The following FBP2 variants were observed in gnomAD, a reference collection of about 807,000 sequenced individuals.
FBP2 encodes fructose-bisphosphatase 2.
In FBP2, 27 loss-of-function variants were observed where a neutral mutation model predicts 31.6. The observed-to-expected ratio is 0.85, with a 90% CI of 0.63 to 1.18. FBP2 has a LOEUF of 1.18. Ranked by LOEUF, FBP2 falls within the 50% of genes most tolerant of loss-of-function variation. The pLI, the probability that FBP2 is intolerant of heterozygous loss-of-function variation, is 0.00. For synonymous variants in FBP2, 168 were observed against 179.8 expected (o/e 0.93, Z 0.53); for missense variants, 421 against 436.1 (o/e 0.97, Z 0.31).
At chr9:94,587,857 T>TC in intron 1 of FBP2, among the ~76,000 whole-genome samples, 1 of 131,948 alleles carries the variant, frequency 7.6e-6, no homozygotes, top group East Asian at 2.0e-4. Context: ...TCTTTTTTCC[T>TC]TTTTTTTTTG....
chr9:94,568,155 T>A (rs1018619394), intron 4 of FBP2: 1 of 151,392 alleles, frequency 6.6e-6, no homozygotes, highest in Non-Finnish European at 1.5e-5. Flanking sequence ...GTGGTACAGT[T>A]ATTTTGTTTA....
intron 3 of FBP2, 26 bp from the exon 4 acceptor site, chr9:94,571,628 T>A: frequency 6.3e-7 from 1 of 1,596,082 alleles, no homozygotes; most frequent in Admixed American, 1.7e-5. Flanking sequence ...ATAAATGCCA[T>A]GTGTTATTGT....
chr9:94,580,484 T>C (rs1827363824), intron 3 of FBP2, among the ~76,000 whole-genome samples: 1 of 152,224 alleles, frequency 6.6e-6, no homozygotes, highest in Admixed American at 6.5e-5. Flanking sequence ...CCCAAAGTGA[T>C]GGGATTACAG....
chr9:94,577,577 G>T (rs1827328898), intron 3 of FBP2: 1 of 152,104 alleles, frequency 6.6e-6, no homozygotes, highest in Non-Finnish European at 1.5e-5. Context: ...ATTATTTATG[G>T]TCTAAATTGA....
At position 94,593,797 on chromosome 9, in the gene FBP2, G is replaced by A. The variant is rs1422471756; in HGVS notation, c.-71C>T. On this transcript the variant is annotated 5_prime_UTR_variant, in exon 1 of 7. Transcript: ENST00000375337. The stretch of plus-strand genomic sequence containing the variant: ...GCTTACTTCTGAGGGCTGCAGCTCC[G>A]CAGTGTGGAAGCCGATAAGAAATCT... 28 of 1,534,458 alleles carry A rather than the reference G, an allele frequency of 1.8e-5. No homozygotes were observed. The highest frequency in any genetic ancestry group is 1.4e-4 in the African/African-American group (10 of 73,054).
intron 6 of FBP2, among the ~76,000 whole-genome samples, chr9:94,560,404 G>A (rs62578747): frequency 6.6e-6 from 1 of 152,034 alleles, no homozygotes; most frequent in Admixed American, 6.5e-5. Context: ...ATGTCATGAC[G>A]CCCCCAGCCT....
chr9:94,567,021 CCTT>C (rs1426384233), intron 5 of FBP2, among the ~76,000 whole-genome samples: 1 of 152,106 alleles, frequency 6.6e-6, no homozygotes, highest in Admixed American at 6.5e-5. Context: ...GTGATCTCTG[CCTT>C]CTTTATAAAG....
At chr9:94,574,876 A>G (rs1827301343) in intron 3 of FBP2, among the ~76,000 whole-genome samples, 1 of 152,212 alleles carries the variant, frequency 6.6e-6, no homozygotes, top group Non-Finnish European at 1.5e-5. Context: ...AGTTTATATC[A>G]GCAATCTTCA....
intron 3 of FBP2, among the ~76,000 whole-genome samples, chr9:94,578,142 GT>G (rs1196345778): frequency 5.3e-5 from 8 of 152,190 alleles, no homozygotes; most frequent in African/African-American, 1.9e-4. Flanking sequence ...AAGTGTCAGG[GT>G]TTGGCGCAAA....
intron 1 of FBP2, among the ~76,000 whole-genome samples, chr9:94,592,157 G>C (rs1240251559): frequency 6.6e-6 from 1 of 152,156 alleles, no homozygotes; most frequent in African/African-American, 2.4e-5. Flanking sequence ...GGCACCGCCT[G>C]CCCTCACATT....
chr9:94,593,517 TG>T lies in FBP2; in HGVS notation c.170+39del, dbSNP rs758815381. On this transcript the variant is annotated intron_variant, in intron 1 of 6. Coordinates refer to ENST00000375337, the MANE Select transcript of FBP2 (RefSeq NM_003837.4). ...CAGCTCCCACACCCCTGCCTGGGCC[TG>T]GGGTGCTCTGTGCCCCATGCCTGCT... 5.1e-6 allele frequency: 8 copies of T among 1,578,362 alleles called. No individual in the cohort carries two copies. The African/African-American group carries it at 8.1e-5, about 16-fold the overall frequency.
At chr9:94,586,377 C>T (rs1005640231) in intron 2 of FBP2, among the ~76,000 whole-genome samples, 1 of 151,704 alleles carries the variant, frequency 6.6e-6, no homozygotes, top group African/African-American at 2.4e-5. Flanking sequence ...AGCAAGACTC[C>T]GTCTCAAAAA....
intron 1 of FBP2, among the ~76,000 whole-genome samples, 174 bp from the exon 2 acceptor site, chr9:94,587,643 G>A (rs1827443507): frequency 6.8e-6 from 1 of 146,128 alleles, no homozygotes; most frequent in African/African-American, 2.5e-5. Flanking sequence ...TCTCAGCCTT[G>A]CCTCCCTTAC....
At chr9:94,581,233 C>T (rs543668010) in intron 3 of FBP2, among the ~76,000 whole-genome samples, 3 of 152,190 alleles carry the variant, frequency 2.0e-5, no homozygotes, top group Non-Finnish European at 4.4e-5. Context: ...AAGAAGTGAG[C>T]GTCTGACATA....
At chr9:94,573,693 A>G (rs1485024883) in intron 3 of FBP2, among the ~76,000 whole-genome samples, 1 of 152,212 alleles carries the variant, frequency 6.6e-6, no homozygotes, top group Non-Finnish European at 1.5e-5. Flanking sequence ...GCCATGGTGT[A>G]TAATTTATTT....
At chr9:94,564,074 T>C (rs1349759938) in intron 5 of FBP2, among the ~76,000 whole-genome samples, 1 of 152,146 alleles carries the variant, frequency 6.6e-6, no homozygotes, top group East Asian at 1.9e-4. Flanking sequence ...CAGTAATCAC[T>C]GAAGCAGAAA....
chr9:94,579,969 T>G (rs1827358909), intron 3 of FBP2, among the ~76,000 whole-genome samples: 1 of 152,248 alleles, frequency 6.6e-6, no homozygotes. Context: ...TTAGAAAGCT[T>G]CTCATGCAGT....
intron 6 of FBP2, among the ~76,000 whole-genome samples, chr9:94,562,449 C>T (rs770849982): frequency 6.6e-6 from 1 of 152,044 alleles, no homozygotes; most frequent in Non-Finnish European, 1.5e-5. Context: ...GGTGAATACA[C>T]CTGGGCTAAG....
Position 94,558,958 on chromosome 9 carries a change from TC to T in FBP2, c.999del (p.Asn335IlefsTer22). On this transcript the variant is annotated frameshift_variant, in exon 7 of 7. Coordinates refer to ENST00000375337, the MANE Select transcript of FBP2 (RefSeq NM_003837.4). LOFTEE classifies it high-confidence loss of function. The stretch of plus-strand genomic sequence containing the variant: ...ACTCGCTAGCTGCCTGCCTGATTTT[TC>T]TGCACACAGGTGAGATATTCCTGCA... ...EDVQEYLTCV[Q>X]KNQAGS 6.2e-7 allele frequency: 1 copy of T among 1,614,118 alleles called. No individual in the cohort carries two copies. Among genetic ancestry groups the T allele is most frequent in the Non-Finnish European group, 8.5e-7 (1 of 1,180,018 alleles).
Sources: allele counts gnomAD v4.1 joint callset (sites outside exome capture counted in the v4.1 genomes callset), GRCh38; gene constraint gnomAD v4.1.1; transcripts MANE v1.5; gene names NCBI Gene and HGNC (gene_info 2026-07-23, HGNC 2026-07-21).